Variants in TMEM108 observed in about 807,000 individuals in gnomAD.
TMEM108 encodes transmembrane protein 108.
Under a neutral mutation model 35.1 loss-of-function variants are expected in TMEM108, and 12 were observed. The observed-to-expected ratio is 0.34, with a 90% CI of 0.22 to 0.55. The LOEUF (loss-of-function observed/expected upper bound fraction) is 0.55, where lower values mean the gene tolerates loss of function less well. TMEM108 is among the 20% of genes least tolerant of loss of function. TMEM108 has a pLI of 0.89. For synonymous variants in TMEM108, 287 were observed against 308.6 expected, an observed-to-expected ratio of 0.93 and a Z score of 0.73; for missense variants, 680 against 753.3, an observed-to-expected ratio of 0.90 and a Z score of 1.14.
At chr3:133,317,804 T>C (rs917912560) in intron 3 of TMEM108, among the ~76,000 whole-genome samples, 1 of 152,128 alleles carries the variant, frequency 6.6e-6, no homozygotes, top group Non-Finnish European at 1.5e-5. Context: ...ATCCTTCCCC[T>C]CGTGGTACTG....
chr3:133,194,349 TTGAG>T (rs1162666035), intron 2 of TMEM108, among the ~76,000 whole-genome samples: 9 of 152,202 alleles, frequency 5.9e-5, no homozygotes, highest in Non-Finnish European at 1.2e-4. Flanking sequence ...TCTGACTTCT[TTGAG>T]TGTGTTTATG....
At chr3:133,347,213 G>A (rs1416055986) in intron 3 of TMEM108, among the ~76,000 whole-genome samples, 1 of 152,038 alleles carries the variant, frequency 6.6e-6, no homozygotes, top group Non-Finnish European at 1.5e-5. Context: ...TGAATCTGTA[G>A]ATCAAGTTGG....
intron 3 of TMEM108, among the ~76,000 whole-genome samples, chr3:133,372,996 A>C (rs780503751): frequency 3.3e-5 from 5 of 152,244 alleles, no homozygotes; most frequent in Admixed American, 6.5e-5. Context: ...TTAGAAGTTT[A>C]TATTTGATCT....
At chr3:133,184,266 C>T (rs886503986) in intron 2 of TMEM108, among the ~76,000 whole-genome samples, 11 of 152,122 alleles carry the variant, frequency 7.2e-5, no homozygotes, top group Non-Finnish European at 1.3e-4. Context: ...AAGGCAGAAT[C>T]AGAAATAATT....
intron 3 of TMEM108, among the ~76,000 whole-genome samples, chr3:133,282,826 A>G (rs1166340532): frequency 6.6e-6 from 1 of 152,238 alleles, no homozygotes; most frequent in Non-Finnish European, 1.5e-5. Flanking sequence ...GAAAGAAATT[A>G]TTTGATTTTA....
chr3:133,123,467 T>TG (rs1559839425), intron 2 of TMEM108, among the ~76,000 whole-genome samples: 1 of 152,226 alleles, frequency 6.6e-6, no homozygotes. Flanking sequence ...TGTAGAAGAA[T>TG]GTCGTGTTTC....
At position 133,156,064 on chromosome 3, in the gene TMEM108, T is replaced by TTTTATGTA. The variant is rs141690025; in HGVS notation, c.-46-73197_-46-73196insGTATTTAT. Among the ~76,000 whole-genome samples the TTTTATGTA allele has an allele frequency of 3.0e-3, 432 of 146,180 alleles. 3 individuals carry two copies. The highest frequency in any genetic ancestry group is 0.011 in the African/African-American group (421 of 39,812). ...GTTTCAATCTTGTTTTTATTTTTTC[T>TTTTATGTA]TTTATTTATTTATTTATTTATTTAT... On this transcript the variant is annotated intron_variant, in intron 2 of 5. Coordinates refer to ENST00000321871, the MANE Select transcript of TMEM108 (RefSeq NM_023943.4).
At chr3:133,180,761 C>G (rs1246766170) in intron 2 of TMEM108, among the ~76,000 whole-genome samples, 1 of 151,688 alleles carries the variant, frequency 6.6e-6, no homozygotes, top group East Asian at 1.9e-4. Flanking sequence ...TTGTTGGAGC[C>G]CAGAATTCAA....
At chr3:133,333,208 C>T (rs1272845763) in intron 3 of TMEM108, among the ~76,000 whole-genome samples, 1 of 152,116 alleles carries the variant, frequency 6.6e-6, no homozygotes, top group African/African-American at 2.4e-5. Context: ...AAACAACACA[C>T]CCTTGGATGT....
chr3:133,332,082 G>GCACACACA lies in TMEM108; in HGVS notation c.41-47644_41-47637dup, dbSNP rs66877804. 3.4e-3 allele frequency among the ~76,000 whole-genome samples: 519 copies of GCACACACA among 151,024 alleles called. 1 individual carries two copies. Among genetic ancestry groups the GCACACACA allele is most frequent in the African/African-American group, 0.012 (488 of 41,316 alleles). On this transcript the variant is annotated intron_variant, in intron 3 of 5. Coordinates refer to ENST00000321871, the MANE Select transcript of TMEM108 (RefSeq NM_023943.4). ...TGCTTGTGCGCGTGCGTGCGCACGT[G>GCACACACA]CACACACACACACACACACACACAC...
intron 2 of TMEM108, among the ~76,000 whole-genome samples, chr3:133,218,927 G>GT (rs762998100): frequency 2.6e-5 from 4 of 151,674 alleles, no homozygotes; most frequent in Admixed American, 6.6e-5. Flanking sequence ...CTCTTCTTAA[G>GT]TTTTTTTTGG....
chr3:133,132,002 CT>C (rs1236309430), intron 2 of TMEM108, among the ~76,000 whole-genome samples: 1 of 152,136 alleles, frequency 6.6e-6, no homozygotes, highest in African/African-American at 2.4e-5. Flanking sequence ...AAGGTACTAA[CT>C]CTTTTCAACT....
intron 2 of TMEM108, among the ~76,000 whole-genome samples, chr3:133,128,929 G>A (rs566379420): frequency 2.0e-5 from 3 of 152,178 alleles, no homozygotes; most frequent in East Asian, 3.9e-4. Flanking sequence ...CATATATTGA[G>A]GTTGTTGGCC....
intron 2 of TMEM108, among the ~76,000 whole-genome samples, chr3:133,051,070 A>G (rs530794861): frequency 2.7e-4 from 40 of 149,528 alleles, no homozygotes; most frequent in African/African-American, 9.1e-4. Flanking sequence ...AGTATGTTTT[A>G]TTTAGTAAGA....
At chr3:133,121,980 C>G (rs955526921) in intron 2 of TMEM108, among the ~76,000 whole-genome samples, 1 of 152,094 alleles carries the variant, frequency 6.6e-6, no homozygotes, top group African/African-American at 2.4e-5. Context: ...AGTTTCTCTT[C>G]AGTTGTCCCT....
intron 2 of TMEM108, among the ~76,000 whole-genome samples, chr3:133,092,990 G>GTTT (rs11293731): frequency 7.3e-6 from 1 of 137,604 alleles, no homozygotes; most frequent in Non-Finnish European, 1.6e-5. Context: ...TGTAGGTAAA[G>GTTT]TTTTTTTTTT....
intron 3 of TMEM108, among the ~76,000 whole-genome samples, chr3:133,264,038 A>G (rs1282749597): frequency 6.6e-6 from 1 of 152,158 alleles, no homozygotes. Flanking sequence ...AAGTGTGATG[A>G]TGCATACCTG....
At chr3:133,113,054 A>G (rs1396203287) in intron 2 of TMEM108, among the ~76,000 whole-genome samples, 2 of 152,192 alleles carry the variant, frequency 1.3e-5, no homozygotes, top group African/African-American at 4.8e-5. Flanking sequence ...TGAAAAAAGA[A>G]CCACTAAGTT....
intron 2 of TMEM108, among the ~76,000 whole-genome samples, chr3:133,158,488 A>AAAAAAAAT (rs1944914419): frequency 6.6e-6 from 1 of 150,440 alleles, no homozygotes; most frequent in African/African-American, 2.4e-5. Context: ...AAAAAAAAAA[A>AAAAAAAAT]AGAAAAGAAA....
Sources: allele counts gnomAD v4.1 joint callset (sites outside exome capture counted in the v4.1 genomes callset), GRCh38; gene constraint gnomAD v4.1.1; transcripts MANE v1.5; gene names NCBI Gene and HGNC (gene_info 2026-07-23, HGNC 2026-07-21).